PYROXD1: variants seen among roughly 807,000 people sequenced by gnomAD.
PYROXD1 encodes the protein tRNA ligase complex-associated NAD(P)H dehydrogenase PYROXD1.
PYROXD1 carries 42 observed loss-of-function variants against 62.0 expected under a neutral mutation model. That is an observed-to-expected ratio of 0.68 (90% CI 0.53 to 0.88). The LOEUF (loss-of-function observed/expected upper bound fraction) is 0.88, where lower values mean the gene tolerates loss of function less well. Ranked by LOEUF, PYROXD1 falls within the 40% of genes least tolerant of loss-of-function variation. PYROXD1 has a pLI of 0.00. For missense variants in PYROXD1, 493 were observed against 604.8 expected, an observed-to-expected ratio of 0.82 and a Z score of 1.94; for synonymous variants, 170 against 206.4, an observed-to-expected ratio of 0.82 and a Z score of 1.51.
chr12:21,456,867 A>G (rs754815346), intron 7 of PYROXD1: 27 of 455,424 alleles, frequency 5.9e-5, no homozygotes, highest in East Asian at 4.2e-4. Flanking sequence ...CATTTCAGCA[A>G]TACTCACAGC....
chr12:21,448,484 A>G (rs763407524), intron 3 of PYROXD1, among the ~76,000 whole-genome samples: 5 of 152,242 alleles, frequency 3.3e-5, no homozygotes, highest in Non-Finnish European at 5.9e-5. Context: ...GTCAGTGCCT[A>G]TAATTAACTT....
rs1942898125 is a variant in PYROXD1, at chr12:21,470,123, G to A, written c.*1369G>A. On this transcript the variant is annotated 3_prime_UTR_variant, in exon 12 of 12. Transcript: ENST00000240651. The stretch of plus-strand genomic sequence containing the variant: ...CTATGAAATTCTTTTAAAAACTATT[G>A]TCTAACTACAAAAATAATGGCATAT... 6.5e-7 allele frequency: 1 copy of A among 1,529,788 alleles called. No individual in the cohort carries two copies. Among genetic ancestry groups the A allele is most frequent in the Non-Finnish European group, 8.9e-7 (1 of 1,125,648 alleles). 94.8% of individuals were successfully genotyped at this position (1,529,788 alleles called of 1,614,324 possible). A position where few individuals can be genotyped will look rare whatever the true frequency, so the allele number is the denominator to read the frequency against.
chr12:21,455,717 T>C (rs1942584184), intron 6 of PYROXD1, among the ~76,000 whole-genome samples: 1 of 151,928 alleles, frequency 6.6e-6, no homozygotes, highest in African/African-American at 2.4e-5. Context: ...TATAAAAATT[T>C]GAAGGCTAAT....
At chr12:21,441,394 C>G (rs1052182854) in intron 2 of PYROXD1, 3 of 152,056 alleles carry the variant, frequency 2.0e-5, no homozygotes, top group South Asian at 4.1e-4. Context: ...CCTTCTATAA[C>G]GCCTATAATT....
chr12:21,443,351 G>A (rs1565543965), intron 2 of PYROXD1, among the ~76,000 whole-genome samples: 1 of 151,570 alleles, frequency 6.6e-6, no homozygotes, highest in Admixed American at 6.6e-5. Context: ...TATGGGTAGG[G>A]GTGTGTGTGT....
chr12:21,452,068 C>G lies in PYROXD1; in HGVS notation c.415-13C>G. 6.6e-7 allele frequency: 1 copy of G among 1,521,248 alleles called. No homozygotes were observed. Among genetic ancestry groups the G allele is most frequent in the Non-Finnish European group, 9.0e-7 (1 of 1,110,386 alleles). The allele number at this position is 1,521,248 out of a possible 1,614,324, so 94.2% of individuals were successfully genotyped here. The stretch of plus-strand genomic sequence containing the variant: ...TTACAAAATACTACCTCATTATTTT[C>G]TTTTTAACATAGGAATTTCAGAAAC... On this transcript the variant is annotated splice_polypyrimidine_tract_variant and intron_variant, in intron 4 of 11. Coordinates refer to ENST00000240651, the MANE Select transcript of PYROXD1 (RefSeq NM_024854.5).
rs778997885 is a variant in PYROXD1, at chr12:21,452,082, A to C, written c.416A>C (p.Glu139Ala). The C allele has an allele frequency of 8.9e-6, 14 of 1,573,342 alleles. No individual in the cohort carries two copies. In the Admixed American group the frequency reaches 2.1e-4, roughly 24 times the overall value. ...LGIRDTDSAQ[E>A]FQKQLTKAKR... ...CTCATTATTTTCTTTTTAACATAGG[A>C]ATTTCAGAAACAGCTTACTAAAGCT... The change falls in exon 5 of 12, where the codon GAA becomes GCA. Residue 139 changes from glutamate (E) to alanine (A), a missense_variant and splice_region_variant. Around this residue, in one of 2 missense-constraint regions of PYROXD1, gnomAD observed 329 missense variants for 446.6 expected, o/e 0.74. Coordinates refer to ENST00000240651, the MANE Select transcript of PYROXD1 (RefSeq NM_024854.5).
intron 7 of PYROXD1, among the ~76,000 whole-genome samples, chr12:21,460,621 C>T (rs1240579920): frequency 1.3e-5 from 2 of 152,010 alleles, no homozygotes; most frequent in Non-Finnish European, 2.9e-5. Flanking sequence ...CAGGGTTTCA[C>T]CATATAGGCC....
chr12:21,456,778 T>C (rs896855884), intron 7 of PYROXD1: 10 of 413,452 alleles, frequency 2.4e-5, no homozygotes, highest in Admixed American at 1.2e-4. Flanking sequence ...TTGCCCAGAG[T>C]AGAAGTTCTT....
intron 10 of PYROXD1, 90 bp downstream of exon 10, chr12:21,462,952 C>G: frequency 7.4e-7 from 1 of 1,354,356 alleles, no homozygotes; most frequent in East Asian, 2.5e-5. Flanking sequence ...TTCTGGTTTT[C>G]CAACTTTTCT....
At chr12:21,466,381 A>G (rs371616733) in intron 10 of PYROXD1, among the ~76,000 whole-genome samples, 21 of 151,530 alleles carry the variant, frequency 1.4e-4, no homozygotes, top group African/African-American at 4.1e-4. Context: ...GAGGTCCTTC[A>G]CATCCCTTGT....
chr12:21,450,582 G>T (rs1942477187), intron 4 of PYROXD1, among the ~76,000 whole-genome samples: 1 of 152,136 alleles, frequency 6.6e-6, no homozygotes, highest in Non-Finnish European at 1.5e-5. Flanking sequence ...AACCCTTATT[G>T]CCAAGAAGCT....
At chr12:21,445,681 C>T (rs575767677) in intron 3 of PYROXD1, among the ~76,000 whole-genome samples, 3 of 152,118 alleles carry the variant, frequency 2.0e-5, no homozygotes, top group African/African-American at 7.2e-5. Context: ...CTTCACATTT[C>T]AAATTACATT....
chr12:21,467,631 A>T lies in PYROXD1; in HGVS notation c.1254+13A>T. On this transcript the variant is annotated intron_variant, in intron 11 of 11. Coordinates refer to ENST00000240651, the MANE Select transcript of PYROXD1 (RefSeq NM_024854.5). Reference sequence around the variant, plus strand: ...TTTTAACTATAAGGTAAGATAGTTAAGCATATTAATGCCTTCTCTGCTTGT... The same window carrying T: ...TTTTAACTATAAGGTAAGATAGTTATGCATATTAATGCCTTCTCTGCTTGT... 6.3e-7 allele frequency: 1 copy of T among 1,598,458 alleles called. No homozygotes were observed. Among genetic ancestry groups the T allele is most frequent in the Non-Finnish European group, 8.6e-7 (1 of 1,168,778 alleles).
intron 6 of PYROXD1, 44 bp downstream of exon 6, chr12:21,455,336 T>G (rs1396180677): frequency 1.6e-6 from 2 of 1,271,892 alleles, no homozygotes; most frequent in African/African-American, 3.1e-5. Context: ...CAAAACTTTT[T>G]TAAAACCATA....
intron 3 of PYROXD1, among the ~76,000 whole-genome samples, chr12:21,446,329 G>A (rs997694010): frequency 6.6e-6 from 1 of 151,948 alleles, no homozygotes; most frequent in Non-Finnish European, 1.5e-5. Flanking sequence ...GAGACTTGAG[G>A]CAGGAGAATG....
At chr12:21,449,245 T>C (rs573442110) in intron 3 of PYROXD1, among the ~76,000 whole-genome samples, 1 of 152,332 alleles carries the variant, frequency 6.6e-6, no homozygotes, top group South Asian at 2.1e-4. Flanking sequence ...ACATACCTTT[T>C]CAACCAACAT....
chr12:21,461,164 G>T lies in PYROXD1; in HGVS notation c.880+10G>T. The T allele has an allele frequency of 1.4e-6, 2 of 1,479,244 alleles. No individual in the cohort carries two copies. Among genetic ancestry groups the T allele is most frequent in the South Asian group, 1.5e-5 (1 of 66,838 alleles). 91.6% of individuals were successfully genotyped at this position (1,479,244 alleles called of 1,614,324 possible). On this transcript the variant is annotated intron_variant, in intron 8 of 11. Transcript: ENST00000240651. ...GTTACAGCTGATACAGGCAAGTAATGAAATAAGAAAAAATATATATAACCA... is the reference window on the plus strand; with the variant it reads ...GTTACAGCTGATACAGGCAAGTAATTAAATAAGAAAAAATATATATAACCA...
intron 7 of PYROXD1, among the ~76,000 whole-genome samples, chr12:21,459,663 G>T (rs1302196906): frequency 6.6e-6 from 1 of 152,158 alleles, no homozygotes; most frequent in Non-Finnish European, 1.5e-5. Flanking sequence ...CTATCTCCAG[G>T]TAGATAATAA....
Sources: allele counts gnomAD v4.1 joint callset (sites outside exome capture counted in the v4.1 genomes callset), GRCh38; gene constraint gnomAD v4.1.1; regional missense constraint gnomAD v4.1.1; transcripts MANE v1.5; gene names NCBI Gene and HGNC (gene_info 2026-07-23, HGNC 2026-07-21).